Variants in PLXNC1 observed in about 807,000 individuals in gnomAD.
PLXNC1 encodes the protein plexin C1, also known as plexin-C1.
A neutral mutation model predicts 178.2 loss-of-function variants in PLXNC1; 75 were observed. The observed-to-expected ratio is 0.42, with a 90% CI of 0.35 to 0.51. The LOEUF (loss-of-function observed/expected upper bound fraction) is 0.51, where lower values mean the gene tolerates loss of function less well. Among genes scored for constraint, PLXNC1 ranks in the 20% least tolerant of loss-of-function variants. PLXNC1 has a pLI of 0.02. For synonymous variants in PLXNC1, 790 were observed against 779.9 expected (o/e 1.01, Z -0.22); for missense variants, 1,503 against 1,984.4 (o/e 0.76, Z 4.61).
intron 9 of PLXNC1, among the ~76,000 whole-genome samples, chr12:94,227,950 C>T (rs1377273271): frequency 6.6e-6 from 1 of 152,136 alleles, no homozygotes; most frequent in Non-Finnish European, 1.5e-5. Context: ...GAGGATAAGT[C>T]CTGCCCTCGC....
chr12:94,185,088 G>A (rs968506301), intron 3 of PLXNC1, among the ~76,000 whole-genome samples: 1 of 152,244 alleles, frequency 6.6e-6, no homozygotes, highest in Non-Finnish European at 1.5e-5. Flanking sequence ...CAAGGTTAGA[G>A]AGATTGCATG....
rs776585910 is a variant in PLXNC1 at position 94,279,483 on chromosome 12, C to T, written c.3609C>T (p.Val1203=). ...VPEFSTVALN[V]VFEKIPENES... ...TTGTACTCTTGCAGGCATTAAACGT[C>T]GTCTTTGAAAAAATCCCGGAAAACG... Residue 1203 remains valine (V), a synonymous_variant, in exon 22 of 31, where the codon GTC becomes GTT. Coordinates refer to ENST00000258526, the MANE Select transcript of PLXNC1 (RefSeq NM_005761.3). The T allele has an allele frequency of 3.1e-6, 5 of 1,613,082 alleles. No individual in the cohort carries two copies. Among genetic ancestry groups the T allele is most frequent in the South Asian group, 1.1e-5 (1 of 90,982 alleles).
chr12:94,236,416 T>C (rs1410189063), intron 9 of PLXNC1, among the ~76,000 whole-genome samples: 1 of 152,144 alleles, frequency 6.6e-6, no homozygotes, highest in Non-Finnish European at 1.5e-5. Flanking sequence ...CAATGAGTGT[T>C]CCATGTACAA....
intron 15 of PLXNC1, among the ~76,000 whole-genome samples, chr12:94,251,893 G>A (rs1964704060): frequency 6.6e-6 from 1 of 152,168 alleles, no homozygotes; most frequent in Non-Finnish European, 1.5e-5. Flanking sequence ...TCAGGAGACT[G>A]AGGTAGGAAG....
chr12:94,161,258 G>A (rs115196583), intron 1 of PLXNC1, among the ~76,000 whole-genome samples: 4 of 152,232 alleles, frequency 2.6e-5, no homozygotes, highest in South Asian at 2.1e-4. Context: ...GGTTTATTTT[G>A]ACAATAGGGA....
At chr12:94,269,698 C>T (rs147863847) in intron 21 of PLXNC1, among the ~76,000 whole-genome samples, 250 of 152,324 alleles carry the variant, frequency 1.6e-3, no homozygotes, top group African/African-American at 5.8e-3. Flanking sequence ...AATACTCCTA[C>T]CATTTGTGGA....
intron 9 of PLXNC1, among the ~76,000 whole-genome samples, chr12:94,234,681 C>T (rs1348384371): frequency 6.6e-6 from 1 of 152,166 alleles, no homozygotes; most frequent in African/African-American, 2.4e-5. Context: ...AGGGAGGAAT[C>T]CCACGATAGG....
At chr12:94,285,814 G>A (rs756893242) in intron 23 of PLXNC1, among the ~76,000 whole-genome samples, 1 of 152,160 alleles carries the variant, frequency 6.6e-6, no homozygotes, top group South Asian at 2.1e-4. Flanking sequence ...TGAGTTAGGA[G>A]GGGACACAGA....
chr12:94,174,562 ACT>A (rs1482518118), intron 2 of PLXNC1, among the ~76,000 whole-genome samples: 2 of 151,914 alleles, frequency 1.3e-5, no homozygotes, highest in South Asian at 4.2e-4. Flanking sequence ...AGAAGCAAAA[ACT>A]CTGTACTGCC....
chr12:94,240,642 T>C lies in PLXNC1; in HGVS notation c.2278T>C (p.Phe760Leu). Residue 760 changes from phenylalanine to leucine, a missense_variant, in exon 11 of 31, where the codon TTT (phenylalanine) becomes CTT (leucine). Transcript: ENST00000258526. Reference protein sequence around the residue: ...YIALPHCSLIFPATTWISGGQ... With the variant: ...YIALPHCSLILPATTWISGGQ... ...TGCTCTGCCACATTGTTCCCTTATA[T>C]TTCCTGCTACCACCTGGATCAGGTA... is the stretch of plus-strand genomic sequence containing the variant. 6.2e-7 allele frequency: 1 copy of C among 1,613,246 alleles called. No homozygotes were observed. Among genetic ancestry groups the C allele is most frequent in the Non-Finnish European group, 8.5e-7 (1 of 1,179,510 alleles).
intron 21 of PLXNC1, among the ~76,000 whole-genome samples, chr12:94,270,132 A>G (rs965093520): frequency 1.3e-5 from 2 of 152,238 alleles, no homozygotes; most frequent in Admixed American, 6.5e-5. Context: ...ATCACAAGTC[A>G]TGGCGGAGAT....
rs1968750705 is a variant in PLXNC1, at chr12:94,304,025, A to C, written c.4576A>C (p.Lys1526Gln). 6.4e-7 allele frequency: 1 copy of C among 1,571,672 alleles called. No individual in the cohort carries two copies. Among genetic ancestry groups the C allele is most frequent in the Non-Finnish European group, 8.8e-7 (1 of 1,142,716 alleles). Residue 1526 changes from lysine to glutamine, a missense_variant, in exon 30 of 31, where the codon AAA (lysine) becomes CAA (glutamine). Around this residue, in one of 4 missense-constraint regions of PLXNC1, gnomAD observed 639 missense variants for 979.7 expected, o/e 0.65. Coordinates refer to ENST00000258526, the MANE Select transcript of PLXNC1 (RefSeq NM_005761.3). ...NEEVALTEIY[K>Q]YIVKYFDEIL... ...AGAAGTGGCCTTGACAGAAATTTAC[A>C]AATACATCGTAAAATATTTTGATGA... is the stretch of plus-strand genomic sequence containing the variant.
chr12:94,212,101 C>T (rs2136005562), intron 5 of PLXNC1, among the ~76,000 whole-genome samples: 1 of 151,638 alleles, frequency 6.6e-6, no homozygotes, highest in East Asian at 1.9e-4. Context: ...GGTGAAACCC[C>T]GTCTCTACTA....
chr12:94,186,171 C>CGCACTGAT (rs1307809454), intron 3 of PLXNC1: 27 of 523,096 alleles, frequency 5.2e-5, no homozygotes, highest in Non-Finnish European at 8.4e-5. Flanking sequence ...CCTGGGAATA[C>CGCACTGAT]GCACTGTCAA....
chr12:94,266,890 A>G (rs1001883223), intron 21 of PLXNC1, among the ~76,000 whole-genome samples: 4 of 152,228 alleles, frequency 2.6e-5, no homozygotes, highest in African/African-American at 7.2e-5. Flanking sequence ...GTGCAAATAT[A>G]CCAGTGCCCG....
At chr12:94,209,725 T>C in intron 5 of PLXNC1, 21 bp downstream of exon 5, 1 of 1,385,472 alleles carries the variant, frequency 7.2e-7, no homozygotes, top group Non-Finnish European at 1.0e-6. Flanking sequence ...AGATTTTAAT[T>C]TGTCCTCGTT....
At chr12:94,249,397 T>C (rs1026820197) in intron 14 of PLXNC1, among the ~76,000 whole-genome samples, 1 of 152,158 alleles carries the variant, frequency 6.6e-6, no homozygotes, top group East Asian at 1.9e-4. Context: ...CACACCTGGC[T>C]AGTTTTTTCT....
chr12:94,292,086 T>C (rs1967397295), intron 23 of PLXNC1, among the ~76,000 whole-genome samples: 1 of 152,242 alleles, frequency 6.6e-6, no homozygotes, highest in Non-Finnish European at 1.5e-5. Context: ...CAATTTTTGG[T>C]AGTATATTCA....
Position 94,248,282 on chromosome 12 carries a change from A to G in PLXNC1, c.2648A>G (p.His883Arg). The G allele has an allele frequency of 1.2e-6, 2 of 1,613,284 alleles. No individual in the cohort carries two copies. Among genetic ancestry groups the G allele is most frequent in the Non-Finnish European group, 1.7e-6 (2 of 1,179,410 alleles). ...SKKDIEITLF[H>R]GENGQLNCSF... ...AAAGACATTGAAATTACTCTCTTCC[A>G]TGGGGAAAATGGGCAATTAAATTGC... is the stretch of plus-strand genomic sequence containing the variant. The change falls in exon 14 of 31, where the codon CAT becomes CGT. Residue 883 changes from histidine (H) to arginine (R), a missense_variant. By Grantham distance (29) the His-to-Arg change is conservative (BLOSUM62 0). Coordinates refer to ENST00000258526, the MANE Select transcript of PLXNC1 (RefSeq NM_005761.3).
Sources: gnomAD v4.1 joint callset for allele counts (sites outside exome capture counted in the v4.1 genomes callset) on GRCh38, gnomAD v4.1.1 for gene constraint, gnomAD v4.1.1 regional missense constraint, MANE v1.5 for transcripts, NCBI Gene and HGNC (gene_info 2026-07-23, HGNC 2026-07-21) for gene names.